The following A2M variants were observed in gnomAD, a reference collection of about 807,000 sequenced individuals.
The protein encoded by A2M is alpha-2-macroglobulin, also known as C3 and PZP-like alpha-2-macroglobulin domain-containing protein 5.
Under a neutral mutation model 183.9 loss-of-function variants are expected in A2M, and 128 were observed. The observed-to-expected ratio is 0.70, with a 90% confidence interval of 0.60 to 0.81. The LOEUF (loss-of-function observed/expected upper bound fraction) is 0.81. Among genes scored for constraint, A2M ranks in the 30% least tolerant of loss-of-function variants. The pLI, the probability that A2M is intolerant of heterozygous loss-of-function variation, is 0.00. For missense variants in A2M, 1,495 were observed against 1,787.6 expected (o/e 0.84, Z 2.95); for synonymous variants, 592 against 670.8 (o/e 0.88, Z 1.81).
chr12:9,070,674 T>C, intron 31 of A2M, 96 bp from the exon 32 acceptor site: 1 of 787,998 alleles, frequency 1.3e-6, no homozygotes. Context: ...CTCTAAAAGG[T>C]ACACGTAAGT....
At chr12:9,090,616 G>A (rs2137789559) in intron 19 of A2M, 134 bp from the exon 20 acceptor site, 2 of 886,956 alleles carry the variant, frequency 2.3e-6, no homozygotes, top group East Asian at 2.7e-5. Flanking sequence ...TGAAGATCAA[G>A]TACCTGAAAT....
At position 9,072,672 on chromosome 12, in the gene A2M, TCTC is replaced by T. The variant is rs1592329419; in HGVS notation, c.3953_3955del (p.Gly1318del). ...TCTCACCTGGAGGTAGACACATCCT[TCTC>T]CTGTCACTTTCATGCTGTATTCCCC... On this transcript the variant is annotated inframe_deletion, in exon 30 of 36. Transcript: ENST00000318602. 1 of 1,614,116 alleles carries T rather than the reference TCTC, an allele frequency of 6.2e-7. No individual in the cohort carries two copies. Among genetic ancestry groups the T allele is most frequent in the Non-Finnish European group, 8.5e-7 (1 of 1,179,996 alleles).
intron 15 of A2M, 98 bp downstream of exon 15, chr12:9,098,509 T>A: frequency 7.5e-7 from 1 of 1,342,044 alleles, no homozygotes; most frequent in Non-Finnish European, 9.9e-7. Context: ...TAGATAAATA[T>A]AATTTTAATT....
intron 28 of A2M, among the ~76,000 whole-genome samples, chr12:9,075,684 C>T (rs1470309081): frequency 5.3e-5 from 8 of 152,122 alleles, no homozygotes; most frequent in African/African-American, 1.9e-4. Context: ...AATCTTGTTT[C>T]TCTCAAGATG....
chr12:9,068,903 T>A, intron 33 of A2M, 61 bp from the exon 34 acceptor site: 2 of 1,248,630 alleles, frequency 1.6e-6, no homozygotes, highest in South Asian at 1.5e-5. Context: ...TTTGAATTAG[T>A]TTAAGTATTC....
intron 3 of A2M, 58 bp downstream of exon 3, chr12:9,112,319 T>C: frequency 6.3e-7 from 1 of 1,598,720 alleles, no homozygotes; most frequent in Non-Finnish European, 8.6e-7. Flanking sequence ...CTGGGGAACA[T>C]CCAGGGGAAG....
intron 14 of A2M, 51 bp from the exon 15 acceptor site, chr12:9,098,807 T>C (rs1949465490): frequency 1.3e-5 from 20 of 1,591,736 alleles, no homozygotes; most frequent in Non-Finnish European, 1.7e-5. Flanking sequence ...GGTTTACCCA[T>C]GCATTCACTC....
chr12:9,095,793 C>T, intron 15 of A2M, 93 bp from the exon 16 acceptor site: 10 of 1,184,978 alleles, frequency 8.4e-6, no homozygotes, highest in Non-Finnish European at 1.1e-5. Flanking sequence ...CGCTCTGTCG[C>T]CCAGGCCGGA....
chr12:9,111,939 G>C (rs1185562483), intron 4 of A2M: 3 of 703,016 alleles, frequency 4.3e-6, no homozygotes, highest in Non-Finnish European at 8.0e-6. Flanking sequence ...AAATTTAATT[G>C]TGTGACAACT....
chr12:9,115,731 G>A (rs780556897), intron 1 of A2M, 33 bp downstream of exon 1: 11 of 1,542,194 alleles, frequency 7.1e-6, no homozygotes, highest in East Asian at 4.5e-5. Flanking sequence ...AGGACTCTAG[G>A]TTCATGCTTC....
chr12:9,076,866 C>A lies in A2M; in HGVS notation c.3422G>T (p.Gly1141Val). Residue 1141 changes from glycine (G) to valine (V), a missense_variant, in exon 28 of 36, where the codon GGC becomes GTC. By Grantham distance (109) the Gly-to-Val change is moderately radical (BLOSUM62 -3). Transcript: ENST00000318602. ...CAGTGCTTTGGTATATACATGGCTGCCATGGTCCCCTTCTTGTGCTGTCTT... is the reference window on the plus strand; with the variant it reads ...CAGTGCTTTGGTATATACATGGCTGACATGGTCCCCTTCTTGTGCTGTCTT... The part of the protein sequence containing the change: ...AWKTAQEGDH[G>V]SHVYTKALLA... 6.2e-7 allele frequency: 1 copy of A among 1,613,384 alleles called. No homozygotes were observed. The highest frequency in any genetic ancestry group is 8.5e-7 in the Non-Finnish European group (1 of 1,179,714).
chr12:9,071,286 CAAT>C (rs1293662681), intron 31 of A2M, among the ~76,000 whole-genome samples: 3 of 151,866 alleles, frequency 2.0e-5, no homozygotes, highest in Non-Finnish European at 4.4e-5. Flanking sequence ...ACAAAAACAA[CAAT>C]AATTTATAAT....
At chr12:9,096,998 G>A (rs1262275582) in intron 15 of A2M, among the ~76,000 whole-genome samples, 1 of 152,166 alleles carries the variant, frequency 6.6e-6, no homozygotes, top group Non-Finnish European at 1.5e-5. Context: ...CAAAGCTTGA[G>A]AAGAGTTGGT....
intron 19 of A2M, among the ~76,000 whole-genome samples, chr12:9,090,791 G>A (rs1400633143): frequency 6.6e-6 from 1 of 152,128 alleles, no homozygotes; most frequent in African/African-American, 2.4e-5. Context: ...CGGATCTCCC[G>A]GCAGAGGATA....
intron 17 of A2M, 97 bp downstream of exon 17, chr12:9,094,876 C>T (rs1949326276): frequency 1.7e-6 from 1 of 593,476 alleles, no homozygotes; most frequent in South Asian, 4.0e-5. Flanking sequence ...CTCACATGTC[C>T]TTTTTGTTTG....
chr12:9,103,580 C>G (rs948189412), intron 11 of A2M, among the ~76,000 whole-genome samples: 2 of 152,156 alleles, frequency 1.3e-5, no homozygotes, highest in Non-Finnish European at 2.9e-5. Context: ...CTCTCTTTCC[C>G]TAGCCCTTGG....
chr12:9,075,635 A>G (rs1334876961), intron 28 of A2M, among the ~76,000 whole-genome samples: 1 of 152,244 alleles, frequency 6.6e-6, no homozygotes, highest in Non-Finnish European at 1.5e-5. Context: ...GAAATATTCA[A>G]AAATGTTTCT....
chr12:9,070,419 A>G, intron 32 of A2M, 69 bp downstream of exon 32: 1 of 1,023,618 alleles, frequency 9.8e-7, no homozygotes, highest in Non-Finnish European at 1.5e-6. Context: ...TGATATTAGT[A>G]TTGTCTTATG....
rs1250940574 is a variant in A2M at position 9,112,512 on chromosome 12, C to T, written c.295G>A (p.Glu99Lys). ...ACTTGGACAGTGAGGAACATTACCT[C>T]CTCATTGGATGAAGACTTTGGGACC... ...FAVPKSSSNE[E>K]VMFLTVQVKG... The change falls in exon 3 of 36, where the codon GAG becomes AAG. Residue 99 changes from glutamate to lysine, a missense_variant. By Grantham distance (56) the Glu-to-Lys change is moderately conservative. Coordinates refer to ENST00000318602, the MANE Select transcript of A2M (RefSeq NM_000014.6). 3 of 1,613,624 alleles carry T rather than the reference C, an allele frequency of 1.9e-6. No individual in the cohort carries two copies. Among genetic ancestry groups the T allele is most frequent in the Non-Finnish European group, 2.5e-6 (3 of 1,179,778 alleles).
Sources: allele counts gnomAD v4.1 joint callset (sites outside exome capture counted in the v4.1 genomes callset), GRCh38; gene constraint gnomAD v4.1.1; transcripts MANE v1.5; gene names NCBI Gene and HGNC (gene_info 2026-07-23, HGNC 2026-07-21).